SCN11A: variants seen among roughly 807,000 people sequenced by gnomAD.
SCN11A encodes sodium channel protein type 11 subunit alpha.
SCN11A carries 122 observed loss-of-function variants against 162.2 expected under a neutral mutation model. That is an observed-to-expected ratio of 0.75 (90% CI 0.65 to 0.87). The LOEUF (loss-of-function observed/expected upper bound fraction) is 0.87. Ranked by LOEUF, SCN11A falls within the 40% of genes least tolerant of loss-of-function variation. The probability of loss-of-function intolerance (pLI) is 0.00; values close to 1 mark genes in which losing one functional copy is unlikely to be tolerated. For synonymous variants in SCN11A, 758 were observed against 751.5 expected (o/e 1.01, Z -0.14); for missense variants, 2,015 against 2,181.6 (o/e 0.92, Z 1.52).
chr3:39,050,473 C>T (rs2032310863), intron 1 of SCN11A, among the ~76,000 whole-genome samples: 1 of 152,170 alleles, frequency 6.6e-6, no homozygotes, highest in Admixed American at 6.5e-5. Context: ...ATACATGAAT[C>T]AGTGAATGAA....
At chr3:39,042,974 A>AAAAAAAAAAAAAGAAAG (rs56332636) in intron 1 of SCN11A, among the ~76,000 whole-genome samples, 1 of 103,662 alleles carries the variant, frequency 9.6e-6, no homozygotes. Context: ...AAAAAAAAAA[A>AAAAAAAAAAAAAGAAAG]AAAAAGAAAA....
At chr3:38,855,172 G>T (rs2064846847) in intron 28 of SCN11A, among the ~76,000 whole-genome samples, 1 of 152,210 alleles carries the variant, frequency 6.6e-6, no homozygotes, top group Non-Finnish European at 1.5e-5. Context: ...TAAACTTGGT[G>T]CAGTTAGCAC....
At chr3:38,998,964 G>T (rs1250563575) in intron 2 of SCN11A, among the ~76,000 whole-genome samples, 2 of 151,434 alleles carry the variant, frequency 1.3e-5, no homozygotes, top group Non-Finnish European at 2.9e-5. Context: ...GTTAAATGAC[G>T]AGTTAATGGG....
chr3:39,019,202 G>C (rs1248712380), intron 2 of SCN11A, among the ~76,000 whole-genome samples: 1 of 152,110 alleles, frequency 6.6e-6, no homozygotes. Context: ...TAGAACCTAA[G>C]ATTGGCCTTT....
rs372285883 is a variant in SCN11A at position 38,960,616 on chromosome 3, T to G, written c.-279-193A>C. The stretch of plus-strand genomic sequence containing the variant: ...ATTAATAAAGAAACAGGTTGTTGTT[T>G]TTTTTTCTGTGGCCTGATCCAAGTG... On this transcript the variant is annotated intron_variant, in intron 2 of 29. Transcript: ENST00000302328. Among the ~76,000 whole-genome samples the G allele has an allele frequency of 3.3e-5, 5 of 152,342 alleles. No homozygotes were observed. The East Asian group carries it at 5.8e-4, about 18-fold the overall frequency.
intron 25 of SCN11A, 89 bp from the exon 26 acceptor site, chr3:38,870,833 G>T: frequency 9.3e-7 from 1 of 1,080,190 alleles, no homozygotes; most frequent in Non-Finnish European, 1.4e-6. Context: ...GAGGCCCAGT[G>T]GGCTGAATAT....
chr3:38,925,841 G>A (rs113945378), intron 8 of SCN11A, among the ~76,000 whole-genome samples: 1,925 of 152,344 alleles, frequency 0.013, 38 homozygotes, highest in African/African-American at 0.043. Flanking sequence ...CATGCCCCAA[G>A]GCACTTCACT....
intron 28 of SCN11A, among the ~76,000 whole-genome samples, chr3:38,861,520 G>A (rs1430332204): frequency 6.6e-6 from 1 of 152,128 alleles, no homozygotes; most frequent in Non-Finnish European, 1.5e-5. Context: ...TACTGAAACA[G>A]CATGGTACTG....
At chr3:38,923,183 C>G (rs1413446441) in intron 9 of SCN11A, among the ~76,000 whole-genome samples, 3 of 152,162 alleles carry the variant, frequency 2.0e-5, no homozygotes, top group Non-Finnish European at 4.4e-5. Flanking sequence ...TCACAGGTGG[C>G]TGCTGCTCAT....
In SCN11A at chr3:38,894,631, A is replaced by G. The variant is rs755440337; in HGVS notation, c.2737T>C (p.Trp913Arg). Reference sequence around the variant, plus strand: ...TCCGCAAGTGGTGCCAACCAAGTCCAATCATGCCTGACGCCCAGGGTCTTT... The same window carrying G: ...TCCGCAAGTGGTGCCAACCAAGTCCGATCATGCCTGACGCCCAGGGTCTTT... ...VPKTLGVRHDWTWLAPLAEEE... is the reference protein window; with the variant it reads ...VPKTLGVRHDRTWLAPLAEEE... The change falls in exon 19 of 30, where the codon TGG (tryptophan) becomes CGG (arginine). Residue 913 changes from tryptophan (W) to arginine (R), a missense_variant. Physicochemically the swap from Trp to Arg is moderately radical, Grantham distance 101. Coordinates refer to ENST00000302328, the MANE Select transcript of SCN11A (RefSeq NM_001349253.2). The G allele has an allele frequency of 6.2e-7, 1 of 1,614,136 alleles. No individual in the cohort carries two copies. Among genetic ancestry groups the G allele is most frequent in the Non-Finnish European group, 8.5e-7 (1 of 1,179,996 alleles).
rs774589923 is a variant in SCN11A at position 38,846,799 on chromosome 3, ACCTTGGTCAC to A, written c.5261_5270del (p.Gly1754ValfsTer61). The A allele has an allele frequency of 6.8e-6, 11 of 1,613,978 alleles. No homozygotes were observed. Among genetic ancestry groups the A allele is most frequent in the African/African-American group, 1.3e-5 (1 of 74,980 alleles). On this transcript the variant is annotated frameshift_variant, in exon 30 of 30. Coordinates refer to ENST00000302328, the MANE Select transcript of SCN11A (RefSeq NM_001349253.2). LOFTEE classifies it low-confidence loss of function (END_TRUNC). The stretch of plus-strand genomic sequence containing the variant: ...GCCCGTTTTCCAAGTCATTTTGGTC[ACCTTGGTCAC>A]CCTTGGTCACCTTCATCATGTACTT...
intron 11 of SCN11A, among the ~76,000 whole-genome samples, chr3:38,912,325 C>T (rs2125540073): frequency 6.6e-6 from 1 of 152,172 alleles, no homozygotes; most frequent in South Asian, 2.1e-4. Flanking sequence ...CAGCTAATGA[C>T]ATTATCACTC....
Position 38,850,493 on chromosome 3 carries a change from G to A in SCN11A, c.4315C>T (p.Leu1439Phe). 2.5e-6 allele frequency: 4 copies of A among 1,612,004 alleles called. No homozygotes were observed. The highest frequency in any genetic ancestry group is 3.4e-6 in the Non-Finnish European group (4 of 1,178,848). Residue 1439 changes from leucine to phenylalanine, a missense_variant, in exon 29 of 30, where the codon CTT becomes TTT. Leu to Phe is a conservative substitution (Grantham distance 22). Transcript: ENST00000302328. ...TGATTTTACTTACTAACAATGGAAA[G>A]AAGCACGACCACACAGTCAAATAAA... ...WNLFDCVVVL[L>F]SIVSTMISTL...
intron 24 of SCN11A, among the ~76,000 whole-genome samples, 163 bp downstream of exon 24, chr3:38,872,030 T>C (rs2065135662): frequency 6.6e-6 from 1 of 152,156 alleles, no homozygotes; most frequent in Admixed American, 6.6e-5. Context: ...AGAAAGTATA[T>C]CTTAGGCTTT....
chr3:38,997,965 C>T lies in SCN11A; in HGVS notation c.-280+34415G>A, dbSNP rs1269557708. On this transcript the variant is annotated intron_variant, in intron 2 of 29. Coordinates refer to ENST00000302328, the MANE Select transcript of SCN11A (RefSeq NM_001349253.2). ...AGGTGCATACTGATAGGAGAGAATC[C>T]GATTTTAAAAATAAATGTATTAAAT... Among the ~76,000 whole-genome samples, 5 of 152,046 alleles carry T rather than the reference C, an allele frequency of 3.3e-5. No homozygotes were observed. In the East Asian group the frequency reaches 7.7e-4, roughly 23 times the overall value.
At chr3:38,957,955 G>T (rs1266927837) in intron 3 of SCN11A, among the ~76,000 whole-genome samples, 1 of 152,184 alleles carries the variant, frequency 6.6e-6, no homozygotes, top group African/African-American at 2.4e-5. Context: ...GCCCTGAGTG[G>T]GGCATGGTGA....
chr3:38,994,450 T>C (rs1258433984), intron 2 of SCN11A, among the ~76,000 whole-genome samples: 5 of 152,210 alleles, frequency 3.3e-5, no homozygotes, highest in African/African-American at 1.2e-4. Flanking sequence ...CTTGGCCACT[T>C]TCCCATTTGT....
At chr3:39,025,838 T>TA (rs1240360909) in intron 2 of SCN11A, 1 of 152,214 alleles carries the variant, frequency 6.6e-6, no homozygotes, top group Non-Finnish European at 1.5e-5. Flanking sequence ...GTCTCAGCCT[T>TA]ATTTTACTCC....
At chr3:38,936,795 C>T (rs907095409) in intron 7 of SCN11A, among the ~76,000 whole-genome samples, 3 of 152,164 alleles carry the variant, frequency 2.0e-5, no homozygotes, top group Admixed American at 6.5e-5. Context: ...GGCCATACTG[C>T]CCAAGGTAAG....
Sources: allele counts gnomAD v4.1 joint callset (sites outside exome capture counted in the v4.1 genomes callset), GRCh38; gene constraint gnomAD v4.1.1; transcripts MANE v1.5; gene names NCBI Gene and HGNC (gene_info 2026-07-23, HGNC 2026-07-21).